Variants in DPY19L4 observed in about 807,000 individuals in gnomAD.
DPY19L4 encodes dpy-19 like 4, also known as probable C-mannosyltransferase DPY19L4.
Under a neutral mutation model 102.8 loss-of-function variants are expected in DPY19L4, and 97 were observed. That is an observed-to-expected ratio of 0.94 (90% CI 0.80 to 1.12). DPY19L4 has a LOEUF of 1.12. DPY19L4 is among the 50% of genes most tolerant of loss of function. The probability of loss-of-function intolerance (pLI) is 0.00; values close to 1 mark genes in which losing one functional copy is unlikely to be tolerated. For missense variants in DPY19L4, 815 were observed against 850.4 expected (o/e 0.96, Z 0.52); for synonymous variants, 252 against 283.1 (o/e 0.89, Z 1.10).
chr8:94,747,024 T>TA (rs1563586164), intron 6 of DPY19L4, among the ~76,000 whole-genome samples: 1 of 152,098 alleles, frequency 6.6e-6, no homozygotes, highest in Non-Finnish European at 1.5e-5. Flanking sequence ...TTTTTTTTTT[T>TA]ACCATAGTGA....
In DPY19L4 at chr8:94,720,204, C is replaced by T. The variant is rs1482853058; in HGVS notation, c.16+190C>T. Reference sequence around the variant, plus strand: ...AATTCAGGAGAGCGGAGCAAATGGCCCGAAGTTTTGTCGGCCGAATTGGGA... The same window carrying T: ...AATTCAGGAGAGCGGAGCAAATGGCTCGAAGTTTTGTCGGCCGAATTGGGA... On this transcript the variant is annotated intron_variant, in intron 1 of 18. Transcript: ENST00000414645. The T allele has an allele frequency of 3.0e-6, 3 of 985,084 alleles. No homozygotes were observed. In the African/African-American group the frequency reaches 5.2e-5, roughly 17 times the overall value. The allele number at this position is 985,084 out of a possible 1,614,324, so 61.0% of individuals were successfully genotyped here. A position where few individuals can be genotyped will look rare whatever the true frequency, so the allele number is the denominator to read the frequency against.
At chr8:94,739,564 T>A (rs1811345373) in intron 5 of DPY19L4, 30 bp downstream of exon 5, 1 of 1,596,360 alleles carries the variant, frequency 6.3e-7, no homozygotes, top group Non-Finnish European at 8.5e-7. Flanking sequence ...CCCTAATATT[T>A]ATTTTCTCAT....
intron 6 of DPY19L4, among the ~76,000 whole-genome samples, chr8:94,753,209 T>C (rs1014561653): frequency 1.3e-5 from 2 of 152,166 alleles, no homozygotes; most frequent in Non-Finnish European, 1.5e-5. Context: ...AACAAACATA[T>C]ACTGCTTTTA....
intron 6 of DPY19L4, among the ~76,000 whole-genome samples, chr8:94,748,530 A>G (rs1811777234): frequency 6.6e-6 from 1 of 152,184 alleles, no homozygotes; most frequent in Non-Finnish European, 1.5e-5. Flanking sequence ...AGGGATTCCC[A>G]ACTCCCAGGC....
chr8:94,787,592 T>C (rs1324521329), intron 17 of DPY19L4, among the ~76,000 whole-genome samples: 1 of 152,184 alleles, frequency 6.6e-6, no homozygotes, highest in African/African-American at 2.4e-5. Context: ...TATCAAGAGT[T>C]GATCCAATAT....
chr8:94,723,165 A>G, intron 1 of DPY19L4, among the ~76,000 whole-genome samples: 1 of 152,192 alleles, frequency 6.6e-6, no homozygotes, highest in East Asian at 1.9e-4. Flanking sequence ...TTACAATGCT[A>G]AAAATATCAG....
At chr8:94,740,497 T>C (rs1182946326) in intron 6 of DPY19L4, among the ~76,000 whole-genome samples, 2 of 152,040 alleles carry the variant, frequency 1.3e-5, no homozygotes, top group Non-Finnish European at 2.9e-5. Flanking sequence ...CCCTGTCACC[T>C]AGGCTGGAGT....
chr8:94,781,761 T>C (rs1366581998), intron 16 of DPY19L4, among the ~76,000 whole-genome samples: 3 of 152,216 alleles, frequency 2.0e-5, no homozygotes, highest in Admixed American at 6.5e-5. Flanking sequence ...ATTCATCTCT[T>C]GGTCAAAAAA....
chr8:94,734,887 T>C, intron 3 of DPY19L4, 133 bp downstream of exon 3: 1 of 1,237,114 alleles, frequency 8.1e-7, no homozygotes, highest in African/African-American at 1.5e-5. Context: ...GTTTTGAGAA[T>C]ATAGTTACAG....
intron 1 of DPY19L4, among the ~76,000 whole-genome samples, chr8:94,723,283 C>T (rs1437323578): frequency 6.6e-6 from 1 of 152,068 alleles, no homozygotes; most frequent in Non-Finnish European, 1.5e-5. Context: ...CCAGCCTGGC[C>T]AACATGATGA....
chr8:94,778,816 C>T (rs1309323941), intron 14 of DPY19L4, among the ~76,000 whole-genome samples: 1 of 151,956 alleles, frequency 6.6e-6, no homozygotes, highest in Non-Finnish European at 1.5e-5. Flanking sequence ...ATGATGTAAT[C>T]AAAGGGACTG....
intron 6 of DPY19L4, among the ~76,000 whole-genome samples, chr8:94,740,101 A>G (rs1162289853): frequency 6.6e-6 from 1 of 152,244 alleles, no homozygotes; most frequent in African/African-American, 2.4e-5. Flanking sequence ...GAATTCTGCT[A>G]GTAGCCAATG....
At chr8:94,738,220 A>G in intron 3 of DPY19L4, 149 bp from the exon 4 acceptor site, 1 of 205,586 alleles carries the variant, frequency 4.9e-6, no homozygotes. Flanking sequence ...CGGGAGGCTG[A>G]GGCAGGAGAA....
At chr8:94,757,191 A>G (rs1586368782) in intron 7 of DPY19L4, among the ~76,000 whole-genome samples, 1 of 152,216 alleles carries the variant, frequency 6.6e-6, no homozygotes, top group South Asian at 2.1e-4. Context: ...TTGTCCAGGA[A>G]ACAGGATGCA....
chr8:94,780,237 A>T (rs1166641606), intron 14 of DPY19L4, 122 bp from the exon 15 acceptor site: 4 of 701,178 alleles, frequency 5.7e-6, no homozygotes, highest in East Asian at 3.2e-5. Flanking sequence ...TGTTGACTTC[A>T]TTTTTTTTGA....
At chr8:94,755,243 C>G (rs1444263676) in intron 6 of DPY19L4, among the ~76,000 whole-genome samples, 1 of 152,180 alleles carries the variant, frequency 6.6e-6, no homozygotes, top group Non-Finnish European at 1.5e-5. Context: ...ATGCCACCTA[C>G]TAGCTGGATG....
chr8:94,788,657 G>A (rs567389483), intron 18 of DPY19L4, among the ~76,000 whole-genome samples: 1 of 151,794 alleles, frequency 6.6e-6, no homozygotes, highest in Non-Finnish European at 1.5e-5. Context: ...GCGCGCATGT[G>A]TCTTCCCCCC....
chr8:94,763,604 TC>T (rs1812499553), intron 8 of DPY19L4, among the ~76,000 whole-genome samples: 1 of 151,810 alleles, frequency 6.6e-6, no homozygotes, highest in Non-Finnish European at 1.5e-5. Context: ...CACTGTAGCC[TC>T]CGCCTCCCAG....
chr8:94,749,448 A>C (rs1157238517), intron 6 of DPY19L4, among the ~76,000 whole-genome samples: 1 of 152,174 alleles, frequency 6.6e-6, no homozygotes, highest in Non-Finnish European at 1.5e-5. Flanking sequence ...TGAACAAAGG[A>C]GTGGAGGACA....
Sources: allele counts gnomAD v4.1 joint callset (sites outside exome capture counted in the v4.1 genomes callset), GRCh38; gene constraint gnomAD v4.1.1; transcripts MANE v1.5; gene names NCBI Gene and HGNC (gene_info 2026-07-23, HGNC 2026-07-21).